HS2ST1: variants seen among roughly 807,000 people sequenced by gnomAD.
HS2ST1 encodes the protein heparan sulfate 2-O-sulfotransferase 1, also known as 2-O-sulfotransferase.
Under a neutral mutation model 42.9 loss-of-function variants are expected in HS2ST1, and 18 were observed. That is an observed-to-expected ratio of 0.42 (90% CI 0.29 to 0.62). The LOEUF is 0.62. Ranked by LOEUF, HS2ST1 falls within the 20% of genes least tolerant of loss-of-function variation. The pLI is 0.21. For missense variants in HS2ST1, 334 were observed against 433.8 expected (o/e 0.77, Z 2.04); for synonymous variants, 146 against 152.9 (o/e 0.95, Z 0.33).
chr1:86,934,058 CTG>C (rs1164400013), intron 1 of HS2ST1, among the ~76,000 whole-genome samples: 1 of 152,114 alleles, frequency 6.6e-6, no homozygotes, highest in African/African-American at 2.4e-5. Flanking sequence ...TGTCTTTGGA[CTG>C]TGACCTTCAT....
intron 1 of HS2ST1, among the ~76,000 whole-genome samples, chr1:87,007,077 C>A (rs1649460465): frequency 6.6e-6 from 1 of 151,894 alleles, no homozygotes; most frequent in Non-Finnish European, 1.5e-5. Context: ...ATTTTTTGGT[C>A]AACAAGTTCT....
Position 86,925,838 on chromosome 1 carries a change from C to G in HS2ST1, c.124+10678C>G, listed in dbSNP as rs186470080. Among the ~76,000 whole-genome samples, 77 of 152,300 alleles carry G rather than the reference C, an allele frequency of 5.1e-4. 1 individual carries two copies. The East Asian group carries it at 0.015, about 29-fold the overall frequency. On this transcript the variant is annotated intron_variant, in intron 1 of 6. Transcript: ENST00000370550. ...TGGTGCTGTTGTCTACTAATTCTAT[C>G]ATCTGGGTCATTTCTTGGTTGCTTT...
At chr1:86,951,227 T>C (rs1202700016) in intron 1 of HS2ST1, among the ~76,000 whole-genome samples, 1 of 152,190 alleles carries the variant, frequency 6.6e-6, no homozygotes, top group Admixed American at 6.5e-5. Flanking sequence ...ATGCATAGTC[T>C]CAATGTCTTA....
chr1:86,928,190 C>T (rs1267551587), intron 1 of HS2ST1, among the ~76,000 whole-genome samples: 1 of 151,904 alleles, frequency 6.6e-6, no homozygotes, highest in African/African-American at 2.4e-5. Flanking sequence ...GGGCTATCTG[C>T]GTCTTTCAGT....
intron 1 of HS2ST1, among the ~76,000 whole-genome samples, chr1:87,069,869 T>A (rs1483162713): frequency 6.6e-6 from 1 of 152,232 alleles, no homozygotes; most frequent in Non-Finnish European, 1.5e-5. Context: ...AAAACATATT[T>A]GTTTCATGGC....
chr1:86,969,839 G>T (rs1476731765), intron 1 of HS2ST1, among the ~76,000 whole-genome samples: 6 of 152,054 alleles, frequency 3.9e-5, no homozygotes, highest in Non-Finnish European at 8.8e-5. Context: ...AGAGTATTTA[G>T]TTGGGGCCGG....
chr1:86,992,373 T>TG lies in HS2ST1; in HGVS notation c.124+77213_124+77214insG, dbSNP rs574243552. Among the ~76,000 whole-genome samples, 86 of 151,956 alleles carry TG rather than the reference T, an allele frequency of 5.7e-4. 1 individual carries two copies. The highest frequency in any genetic ancestry group is 7.5e-4 in the African/African-American group (31 of 41,382). Reference sequence around the variant, plus strand: ...TTAATTTTCTCTTTCTTTTTTTTTTTTGTGTGTGTGAGATGGAGTTTCGCT... The same window carrying TG: ...TTAATTTTCTCTTTCTTTTTTTTTTTGTGTGTGTGTGAGATGGAGTTTCGCT... On this transcript the variant is annotated intron_variant, in intron 1 of 6. Transcript: ENST00000370550.
chr1:87,001,661 G>T (rs984198128), intron 1 of HS2ST1, among the ~76,000 whole-genome samples: 1 of 151,984 alleles, frequency 6.6e-6, no homozygotes, highest in Non-Finnish European at 1.5e-5. Context: ...TTGCCGAGTC[G>T]GGAGTGCAAT....
intron 1 of HS2ST1, among the ~76,000 whole-genome samples, chr1:86,985,339 C>A (rs1460757468): frequency 3.2e-5 from 3 of 95,184 alleles, no homozygotes; most frequent in Non-Finnish European, 4.2e-5. Flanking sequence ...TGGGAGACAG[C>A]GAGACTTGTA....
intron 1 of HS2ST1, among the ~76,000 whole-genome samples, chr1:86,961,249 A>C (rs988576483): frequency 6.6e-6 from 1 of 152,062 alleles, no homozygotes; most frequent in African/African-American, 2.4e-5. Context: ...AAAAAAAAAA[A>C]TTCCTTGAAC....
At chr1:86,966,489 C>G (rs1648052187) in intron 1 of HS2ST1, among the ~76,000 whole-genome samples, 1 of 152,128 alleles carries the variant, frequency 6.6e-6, no homozygotes, top group Non-Finnish European at 1.5e-5. Flanking sequence ...TTTTTACTTT[C>G]TGAAACTTGT....
chr1:87,076,900 C>A (rs950708607), intron 2 of HS2ST1, among the ~76,000 whole-genome samples: 2 of 151,976 alleles, frequency 1.3e-5, no homozygotes, highest in African/African-American at 2.4e-5. Flanking sequence ...GAATTTTTTT[C>A]TTTTTGAAAT....
chr1:87,054,687 A>G (rs1387033503), intron 1 of HS2ST1, among the ~76,000 whole-genome samples: 1 of 152,214 alleles, frequency 6.6e-6, no homozygotes. Context: ...AGGTAGGGCC[A>G]TATGACTAGT....
chr1:87,032,845 G>A (rs919339644), intron 1 of HS2ST1, among the ~76,000 whole-genome samples: 16 of 152,148 alleles, frequency 1.1e-4, no homozygotes, highest in African/African-American at 3.6e-4. Flanking sequence ...GTTTTGAATA[G>A]GCTATATGAT....
chr1:87,002,190 G>C (rs1649309534), intron 1 of HS2ST1, among the ~76,000 whole-genome samples: 1 of 152,172 alleles, frequency 6.6e-6, no homozygotes, highest in Non-Finnish European at 1.5e-5. Flanking sequence ...GGGATTACAG[G>C]CGTGAGCCAC....
chr1:87,057,565 C>CCT (rs549342617), intron 1 of HS2ST1, among the ~76,000 whole-genome samples: 15 of 141,346 alleles, frequency 1.1e-4, no homozygotes, highest in Admixed American at 1.4e-4. Flanking sequence ...CCAGAAGGCA[C>CCT]TTTTTTTTTT....
intron 1 of HS2ST1, among the ~76,000 whole-genome samples, chr1:87,015,545 C>T (rs1162876211): frequency 1.3e-5 from 2 of 151,840 alleles, no homozygotes; most frequent in Admixed American, 6.6e-5. Context: ...AGGGTTTCAC[C>T]GTGTTAGCCA....
At chr1:86,955,366 T>C (rs1050627687) in intron 1 of HS2ST1, among the ~76,000 whole-genome samples, 2 of 152,070 alleles carry the variant, frequency 1.3e-5, no homozygotes, top group African/African-American at 4.8e-5. Flanking sequence ...GTGAACTCTA[T>C]TGTGAATTGC....
intron 3 of HS2ST1, among the ~76,000 whole-genome samples, chr1:87,087,023 G>T (rs1357632520): frequency 6.6e-6 from 1 of 151,954 alleles, no homozygotes; most frequent in East Asian, 1.9e-4. Context: ...GTAAGTTGCA[G>T]TTCTTGACCT....
Sources: allele counts gnomAD v4.1 joint callset (sites outside exome capture counted in the v4.1 genomes callset), GRCh38; gene constraint gnomAD v4.1.1; transcripts MANE v1.5; gene names NCBI Gene and HGNC (gene_info 2026-07-23, HGNC 2026-07-21).